The following SGSM3 variants were observed in gnomAD, a reference collection of about 807,000 sequenced individuals.
The protein encoded by SGSM3 is RUN and SH3 containing 3.
In SGSM3, 96 loss-of-function variants were observed where a neutral mutation model predicts 100.5. The ratio of observed to expected loss-of-function variants is 0.96; its 90% confidence interval spans 0.81 to 1.13. The LOEUF is 1.13. Ranked by LOEUF, SGSM3 falls within the 50% of genes most tolerant of loss-of-function variation. SGSM3 has a pLI of 0.00. For synonymous variants in SGSM3, 483 were observed against 422.8 expected, an observed-to-expected ratio of 1.14 and a Z score of -1.75; for missense variants, 1,001 against 1,015.8, an observed-to-expected ratio of 0.99 and a Z score of 0.20.
Position 40,407,492 on chromosome 22 carries a change from G to A in SGSM3, c.1448G>A (p.Arg483His), listed in dbSNP as rs758006050. The A allele has an allele frequency of 1.7e-5, 28 of 1,610,914 alleles. No individual in the cohort carries two copies. Among genetic ancestry groups the A allele is most frequent in the East Asian group, 2.2e-5 (1 of 44,882 alleles). The part of the protein sequence containing the change: ...NYVACSRSHR[R>H]RAKALLDFER... ...GTGGCGTGCTCACGCAGCCACCGGC[G>A]CCGAGCCAAGGCCCTGCTGGACTTT... Residue 483 changes from arginine to histidine, a missense_variant, in exon 13 of 22, where the codon CGC becomes CAC. By Grantham distance (29) the Arg-to-His change is conservative (BLOSUM62 0). Transcript: ENST00000248929. The surrounding 1 kb of genome is among the most constrained non-coding windows in gnomAD (Gnocchi z 4.7).
At position 40,410,227 on chromosome 22, in the gene SGSM3, G is replaced by C. The variant is rs564417311; in HGVS notation, c.*468G>C. ...GCCCCTCAGATGCTGGGACACAACA[G>C]ACCCGGGACCCAGCTGTGCTACCCA... is the stretch of plus-strand genomic sequence containing the variant. On this transcript the variant is annotated 3_prime_UTR_variant, in exon 22 of 22. Transcript: ENST00000248929. 17 of 1,040,076 alleles carry C rather than the reference G, an allele frequency of 1.6e-5. No homozygotes were observed. The highest frequency in any genetic ancestry group is 3.3e-5 in the African/African-American group (2 of 60,148). 64.4% of individuals were successfully genotyped at this position (1,040,076 alleles called of 1,614,324 possible). A position where few individuals can be genotyped will look rare whatever the true frequency, so the allele number is the denominator to read the frequency against.
chr22:40,402,247 T>A (rs765834289), intron 4 of SGSM3, 42 bp downstream of exon 4: 7 of 1,485,376 alleles, frequency 4.7e-6, no homozygotes, highest in Non-Finnish European at 5.6e-6. Context: ...GCTGATGTTC[T>A]TTGGGGAGGA....
At position 40,407,687 on chromosome 22, in the gene SGSM3, G is replaced by C. The variant is rs983797046; in HGVS notation, c.1525-102G>C. On this transcript the variant is annotated intron_variant, in intron 13 of 21. Transcript: ENST00000248929. The surrounding 1 kb of genome is among the most constrained non-coding windows in gnomAD (Gnocchi z 4.7). Reference sequence around the variant, plus strand: ...AGAGCTTCTCTTGTGAAGATGTAGGGGTCTTGGCCTGGCCTAGTTGCTGAG... The same window carrying C: ...AGAGCTTCTCTTGTGAAGATGTAGGCGTCTTGGCCTGGCCTAGTTGCTGAG... 6.3e-7 allele frequency: 1 copy of C among 1,584,468 alleles called. No homozygotes were observed. The highest frequency in any genetic ancestry group is 1.3e-5 in the African/African-American group (1 of 74,316).
At chr22:40,405,942 T>C (rs909272417) in intron 8 of SGSM3, 98 bp downstream of exon 8, 39 of 1,479,144 alleles carry the variant, frequency 2.6e-5, no homozygotes, top group Non-Finnish European at 3.4e-5. Context: ...ACCATGGTCT[T>C]TGTCGCTCTT....
intron 1 of SGSM3, among the ~76,000 whole-genome samples, chr22:40,393,494 A>G (rs932002654): frequency 5.9e-5 from 9 of 152,150 alleles, no homozygotes; most frequent in Non-Finnish European, 8.8e-5. Context: ...TCCTTCTTCA[A>G]CCCACTCCAG....
In SGSM3 at chr22:40,406,493, A is replaced by T. The variant is rs375708190; in HGVS notation, c.1016A>T (p.Asp339Val). 4.2e-5 allele frequency: 68 copies of T among 1,610,768 alleles called. No homozygotes were observed. The highest frequency in any genetic ancestry group is 5.8e-5 in the Non-Finnish European group (68 of 1,178,546). ...NSASIFNTLS[D>V]IPSQMEDAEL... ...GCCTCCATCTTCAACACGCTATCGG[A>T]TATCCCGTCGCAGATGGAGGACGCG... Residue 339 changes from aspartate to valine, a missense_variant, in exon 10 of 22, where the codon GAT becomes GTT. Physicochemically the swap from Asp to Val is radical, Grantham distance 152. Coordinates refer to ENST00000248929, the MANE Select transcript of SGSM3 (RefSeq NM_015705.6).
intron 8 of SGSM3, 64 bp from the exon 9 acceptor site, chr22:40,406,014 G>A (rs1052021696): frequency 1.3e-6 from 2 of 1,581,934 alleles, no homozygotes; most frequent in Non-Finnish European, 1.7e-6. Flanking sequence ...GGACCTTGCT[G>A]CAGTTCCGGG....
intron 14 of SGSM3, 47 bp from the exon 15 acceptor site, chr22:40,408,023 GT>G (rs1046928580): frequency 6.3e-7 from 1 of 1,597,132 alleles, no homozygotes; most frequent in Non-Finnish European, 8.6e-7. Flanking sequence ...TGTCTGCTCT[GT>G]CCTCGGCCCT....
chr22:40,394,551 C>T (rs1485859050), intron 1 of SGSM3, among the ~76,000 whole-genome samples: 1 of 148,780 alleles, frequency 6.7e-6, no homozygotes, highest in Non-Finnish European at 1.5e-5. Context: ...GAGGCTGAGG[C>T]AGGAAAATCG....
chr22:40,374,403 T>C (rs966099306), intron 1 of SGSM3, among the ~76,000 whole-genome samples: 2 of 152,230 alleles, frequency 1.3e-5, no homozygotes, highest in African/African-American at 4.8e-5. Flanking sequence ...AAAAGCTGTA[T>C]CCACTGAGAG....
At chr22:40,401,251 TA>T (rs199937219) in intron 2 of SGSM3, among the ~76,000 whole-genome samples, 9 of 151,654 alleles carry the variant, frequency 5.9e-5, no homozygotes, top group Admixed American at 4.0e-4. Context: ...CTGCATTTTC[TA>T]TTTTTTTTTT....
chr22:40,407,011 G>A lies in SGSM3; in HGVS notation c.1186-6G>A, dbSNP rs1408041724. ...GGACCACCCTGACCCACTCCTCTTG[G>A]TGCAGGTTGTTCGCCGCAGGACCCA... On this transcript the variant is annotated splice_polypyrimidine_tract_variant and splice_region_variant and intron_variant, in intron 10 of 21. Transcript: ENST00000248929. The surrounding 1 kb of genome is among the most constrained non-coding windows in gnomAD (Gnocchi z 4.7). The A allele has an allele frequency of 6.4e-7, 1 of 1,568,620 alleles. No homozygotes were observed. Among genetic ancestry groups the A allele is most frequent in the Non-Finnish European group, 8.6e-7 (1 of 1,156,460 alleles).
At chr22:40,372,851 AT>A (rs1265716750) in intron 1 of SGSM3, 1 of 152,222 alleles carries the variant, frequency 6.6e-6, no homozygotes, top group Non-Finnish European at 1.5e-5. Flanking sequence ...ACATTTGATA[AT>A]TTAACATCAG....
intron 6 of SGSM3, 98 bp from the exon 7 acceptor site, chr22:40,405,043 G>A (rs2051273916): frequency 7.1e-7 from 1 of 1,413,814 alleles, no homozygotes; most frequent in Admixed American, 2.6e-5. Context: ...GGAACACAAG[G>A]AATCCCCATT....
Position 40,409,240 on chromosome 22 carries a change from A to C in SGSM3, c.1989-10A>C. On this transcript the variant is annotated splice_polypyrimidine_tract_variant and intron_variant, in intron 19 of 21. Coordinates refer to ENST00000248929, the MANE Select transcript of SGSM3 (RefSeq NM_015705.6). Reference sequence around the variant, plus strand: ...CTGCCCCTGCTCCCCACTCCTGGCCATGTCCCCAGTGAGCAGGTGCTGCAC... The same window carrying C: ...CTGCCCCTGCTCCCCACTCCTGGCCCTGTCCCCAGTGAGCAGGTGCTGCAC... 6.3e-7 allele frequency: 1 copy of C among 1,596,394 alleles called. No individual in the cohort carries two copies. Among genetic ancestry groups the C allele is most frequent in the Non-Finnish European group, 8.5e-7 (1 of 1,174,080 alleles).
rs935429484 is a variant in SGSM3, at chr22:40,409,649, G to A, written c.2173-33G>A. 13 of 1,613,006 alleles carry A rather than the reference G, an allele frequency of 8.1e-6. No homozygotes were observed. In the East Asian group the frequency reaches 2.7e-4, roughly 33 times the overall value. Reference sequence around the variant, plus strand: ...TAGGAACTACCCCAGCCATGCCCAAGGCCTGTGAGGTGAGGGGCTGCCCTG... The same window carrying A: ...TAGGAACTACCCCAGCCATGCCCAAAGCCTGTGAGGTGAGGGGCTGCCCTG... On this transcript the variant is annotated intron_variant, in intron 21 of 21. Coordinates refer to ENST00000248929, the MANE Select transcript of SGSM3 (RefSeq NM_015705.6).
chr22:40,407,813 T>G lies in SGSM3; in HGVS notation c.1549T>G (p.Cys517Gly). The G allele has an allele frequency of 6.2e-7, 1 of 1,613,774 alleles. No homozygotes were observed. Among genetic ancestry groups the G allele is most frequent in the Non-Finnish European group, 8.5e-7 (1 of 1,179,892 alleles). The change falls in exon 14 of 22, where the codon TGC becomes GGC. Residue 517 changes from cysteine to glycine, a missense_variant. Coordinates refer to ENST00000248929, the MANE Select transcript of SGSM3 (RefSeq NM_015705.6). This position sits in a 1 kb window ranked among gnomAD's most constrained non-coding sequence, Gnocchi z 4.7. ...GATCGTGTCTCAGAAGGACGAGCAC[T>G]GCTGGGTGGGGGAGCTCAACGGCCT... The part of the protein sequence containing the change: ...ITIVSQKDEH[C>G]WVGELNGLRG...
At chr22:40,394,924 A>G (rs2070125107) in intron 1 of SGSM3, among the ~76,000 whole-genome samples, 2 of 152,174 alleles carry the variant, frequency 1.3e-5, no homozygotes, top group Non-Finnish European at 2.9e-5. Flanking sequence ...TATTATTCTG[A>G]AATTATTTAC....
intron 4 of SGSM3, 102 bp from the exon 5 acceptor site, chr22:40,404,145 A>G (rs2051124163): frequency 1.0e-6 from 1 of 970,862 alleles, no homozygotes; most frequent in Non-Finnish European, 1.5e-6. Flanking sequence ...GAGCTGGCCT[A>G]GAGCCATGAA....
Sources: gnomAD v4.1 joint callset for allele counts (sites outside exome capture counted in the v4.1 genomes callset) on GRCh38, gnomAD v4.1.1 for gene constraint, Gnocchi (gnomAD v3.1) non-coding constraint, MANE v1.5 for transcripts, NCBI Gene and HGNC (gene_info 2026-07-23, HGNC 2026-07-21) for gene names.